FAT3: variants seen among roughly 807,000 people sequenced by gnomAD.
FAT3 encodes FAT atypical cadherin 3, also known as protocadherin Fat 3.
In FAT3, 95 loss-of-function variants were observed where a neutral mutation model predicts 310.2. That is an observed-to-expected ratio of 0.31 (90% CI 0.26 to 0.36). The LOEUF (loss-of-function observed/expected upper bound fraction) is 0.36. FAT3 is among the 10% of genes least tolerant of loss of function. The pLI, the probability that FAT3 is intolerant of heterozygous loss-of-function variation, is 1.00. For missense variants in FAT3, 5,408 were observed against 5,715.6 expected, an observed-to-expected ratio of 0.95 and a Z score of 1.74; for synonymous variants, 2,314 against 2,192.9, an observed-to-expected ratio of 1.06 and a Z score of -1.54.
intron 2 of FAT3, among the ~76,000 whole-genome samples, chr11:92,495,139 T>C (rs923289696): frequency 1.3e-5 from 2 of 152,102 alleles, no homozygotes; most frequent in Non-Finnish European, 2.9e-5. Flanking sequence ...TTATTGTATT[T>C]GCCTAGCAAA....
intron 1 of FAT3, among the ~76,000 whole-genome samples, chr11:92,258,784 A>C (rs899297137): frequency 6.6e-6 from 1 of 152,186 alleles, no homozygotes; most frequent in Non-Finnish European, 1.5e-5. Flanking sequence ...GGTTAGAGAA[A>C]GAGATGCAGT....
intron 2 of FAT3, among the ~76,000 whole-genome samples, chr11:92,520,281 A>G (rs568033279): frequency 6.6e-6 from 1 of 152,314 alleles, no homozygotes; most frequent in African/African-American, 2.4e-5. Context: ...ATTCTAGAAA[A>G]TACAAAGTTA....
At chr11:92,308,558 C>T (rs1397805048) in intron 1 of FAT3, among the ~76,000 whole-genome samples, 1 of 152,096 alleles carries the variant, frequency 6.6e-6, no homozygotes, top group African/African-American at 2.4e-5. Context: ...GGTTAGCTAA[C>T]ATGTATATGA....
At chr11:92,873,227 G>C (rs562992997) in intron 22 of FAT3, among the ~76,000 whole-genome samples, 19 of 152,238 alleles carry the variant, frequency 1.2e-4, no homozygotes, top group African/African-American at 4.3e-4. Context: ...TAGAGGTCAG[G>C]CCATGGTCAC....
chr11:92,467,185 A>C (rs1951785703), intron 2 of FAT3, among the ~76,000 whole-genome samples: 1 of 152,110 alleles, frequency 6.6e-6, no homozygotes, highest in Non-Finnish European at 1.5e-5. Flanking sequence ...GAACTAGTTT[A>C]CAGTCCCACC....
intron 2 of FAT3, among the ~76,000 whole-genome samples, chr11:92,522,040 A>G (rs1953702821): frequency 6.6e-6 from 1 of 152,148 alleles, no homozygotes. Flanking sequence ...CAATGGCAGC[A>G]CAGGGTCCAG....
chr11:92,463,509 G>C (rs1951684492), intron 2 of FAT3, among the ~76,000 whole-genome samples: 1 of 152,116 alleles, frequency 6.6e-6, no homozygotes, highest in Non-Finnish European at 1.5e-5. Context: ...TACAGTTTCT[G>C]TGAAAATAAA....
intron 7 of FAT3, among the ~76,000 whole-genome samples, chr11:92,776,789 C>T (rs929310421): frequency 1.3e-5 from 2 of 152,084 alleles, no homozygotes; most frequent in Admixed American, 1.3e-4. Flanking sequence ...AGAGTCATGA[C>T]CTTTTTATGA....
intron 22 of FAT3, among the ~76,000 whole-genome samples, chr11:92,874,453 T>C (rs1042381819): frequency 2.6e-5 from 4 of 152,238 alleles, no homozygotes; most frequent in African/African-American, 9.6e-5. Context: ...TAGAAACTAA[T>C]GAGCTTGGGC....
chr11:92,391,397 T>G (rs1181947696), intron 2 of FAT3, among the ~76,000 whole-genome samples: 1 of 152,220 alleles, frequency 6.6e-6, no homozygotes, highest in Admixed American at 6.5e-5. Context: ...CTTGTTCTCC[T>G]AATTTCTACC....
At chr11:92,510,557 C>G (rs1317503981) in intron 2 of FAT3, among the ~76,000 whole-genome samples, 1 of 152,058 alleles carries the variant, frequency 6.6e-6, no homozygotes, top group South Asian at 2.1e-4. Context: ...CATTTGGAAT[C>G]CTATAAAAAT....
intron 4 of FAT3, among the ~76,000 whole-genome samples, chr11:92,717,028 G>C (rs762174982): frequency 7.9e-5 from 12 of 152,140 alleles, no homozygotes; most frequent in Non-Finnish European, 1.8e-4. Context: ...GATAGTCTCA[G>C]TATCCTCAAT....
chr11:92,716,279 C>T (rs1479574938), intron 4 of FAT3, among the ~76,000 whole-genome samples: 1 of 152,120 alleles, frequency 6.6e-6, no homozygotes, highest in Non-Finnish European at 1.5e-5. Flanking sequence ...TGTTCAGTAG[C>T]AGGCATGTAT....
rs1363038536 is a variant in FAT3 at position 92,844,660 on chromosome 11, A to G, written c.11293A>G (p.Met3765Val). The G allele has an allele frequency of 7.5e-6, 12 of 1,607,360 alleles. No homozygotes were observed. Among genetic ancestry groups the G allele is most frequent in the South Asian group, 1.1e-5 (1 of 89,550 alleles). ...QGLSLDSHAL[M>V]TYSTARISFV... ...CTTGTCACTCGATTCCCACGCGCTC[A>G]TGACCTACAGCACGGCTCGCATCAG... Residue 3765 changes from methionine to valine, a missense_variant, in exon 19 of 28, where the codon ATG becomes GTG. Met to Val is a conservative substitution (Grantham distance 21, BLOSUM62 1). This residue lies in a region of FAT3 where 4,588 missense variants were observed against 4,809.8 expected (regional missense o/e 0.95). Transcript: ENST00000525166.
At chr11:92,621,317 T>C (rs1008463313) in intron 3 of FAT3, among the ~76,000 whole-genome samples, 7 of 152,232 alleles carry the variant, frequency 4.6e-5, no homozygotes, top group Non-Finnish European at 5.9e-5. Context: ...ATTTATATTA[T>C]GCAGAAGGTG....
chr11:92,871,570 G>C (rs1017009734), intron 22 of FAT3, among the ~76,000 whole-genome samples: 1 of 152,078 alleles, frequency 6.6e-6, no homozygotes, highest in Admixed American at 6.5e-5. Context: ...ATCACCTAAG[G>C]ACCTTGTTTA....
chr11:92,276,428 G>A (rs574254745), intron 1 of FAT3, among the ~76,000 whole-genome samples: 17 of 152,222 alleles, frequency 1.1e-4, no homozygotes, highest in African/African-American at 4.1e-4. Flanking sequence ...ACTCACGCCA[G>A]GATCTTGACC....
rs16917358 is a variant in FAT3, at chr11:92,289,173, G to A, written c.-17-62923G>A. On this transcript the variant is annotated intron_variant, in intron 1 of 27. Coordinates refer to ENST00000525166, the MANE Select transcript of FAT3 (RefSeq NM_001367949.2). The stretch of plus-strand genomic sequence containing the variant: ...GTAAGTTATCTGTTTGGTGGTTTTA[G>A]TCACACATGTTGGCTGGCAGTTTAG... Among the ~76,000 whole-genome samples, 633 of 152,224 alleles carry A rather than the reference G, an allele frequency of 4.2e-3. 6 individuals carry two copies. Among genetic ancestry groups the A allele is most frequent in the African/African-American group, 0.014 (602 of 41,550 alleles).
chr11:92,571,577 A>G (rs546029442), intron 3 of FAT3, among the ~76,000 whole-genome samples: 17 of 152,312 alleles, frequency 1.1e-4, no homozygotes, highest in African/African-American at 2.6e-4. Context: ...CTTAGTATAC[A>G]TTTTGTGAAA....
Sources: gnomAD v4.1 joint callset for allele counts (sites outside exome capture counted in the v4.1 genomes callset) on GRCh38, gnomAD v4.1.1 for gene constraint, gnomAD v4.1.1 regional missense constraint, MANE v1.5 for transcripts, NCBI Gene and HGNC (gene_info 2026-07-23, HGNC 2026-07-21) for gene names.